The following PIK3C2A variants were observed in gnomAD, a reference collection of about 807,000 sequenced individuals.
PIK3C2A encodes phosphatidylinositol-4-phosphate 3-kinase catalytic subunit type 2 alpha, also known as phosphatidylinositol 4-phosphate 3-kinase C2 domain-containing subunit alpha.
In PIK3C2A, 97 loss-of-function variants were observed where a neutral mutation model predicts 204.5. The observed-to-expected ratio is 0.47, with a 90% CI of 0.40 to 0.56. The LOEUF (loss-of-function observed/expected upper bound fraction) is 0.56, where lower values mean the gene tolerates loss of function less well. Among genes scored for constraint, PIK3C2A ranks in the 20% least tolerant of loss-of-function variants. PIK3C2A has a pLI of 0.00. For synonymous variants in PIK3C2A, 653 were observed against 664.4 expected (o/e 0.98, Z 0.26); for missense variants, 1,735 against 1,969.2 (o/e 0.88, Z 2.25).
chr11:17,110,214 A>C (rs987859252), intron 22 of PIK3C2A, among the ~76,000 whole-genome samples: 4 of 152,170 alleles, frequency 2.6e-5, no homozygotes, highest in Non-Finnish European at 5.9e-5. Flanking sequence ...TGGCCTCCCA[A>C]AGTGCTGGGA....
intron 8 of PIK3C2A, among the ~76,000 whole-genome samples, chr11:17,139,234 T>C (rs1187174147): frequency 2.9e-5 from 4 of 137,444 alleles, no homozygotes; most frequent in South Asian, 2.3e-4. Context: ...TAAATTTCCC[T>C]TTTTTTTTTT....
intron 1 of PIK3C2A, among the ~76,000 whole-genome samples, chr11:17,197,427 A>G (rs566393557): frequency 7.9e-5 from 12 of 152,194 alleles, no homozygotes; most frequent in Non-Finnish European, 1.8e-4. Context: ...ACAAAAGGCA[A>G]TGGTTGCACC....
Position 17,092,056 on chromosome 11 carries a change from A to C in PIK3C2A, c.4582T>G (p.Cys1528Gly), listed in dbSNP as rs1398999204. Residue 1528 changes from cysteine to glycine, a missense_variant, in exon 30 of 33, where the codon TGT becomes GGT. This residue lies in a region of PIK3C2A where 503 missense variants were observed against 669.0 expected (regional missense o/e 0.75). Coordinates refer to ENST00000691414, the MANE Select transcript of PIK3C2A (RefSeq NM_002645.4). ...STDVAECDLV[C>G]TFFHPLLRDE... is the part of the protein sequence containing the mutation. ...CGAAGTAAAGGGTGGAAGAAAGTAC[A>C]AACAAGATCACACTAAGAATAAAGA... 1.2e-6 allele frequency: 2 copies of C among 1,607,916 alleles called. No homozygotes were observed. Among genetic ancestry groups the C allele is most frequent in the South Asian group, 1.1e-5 (1 of 90,942 alleles).
intron 2 of PIK3C2A, among the ~76,000 whole-genome samples, chr11:17,164,469 C>T (rs537808101): frequency 1.0e-3 from 159 of 152,148 alleles, no homozygotes; most frequent in African/African-American, 3.7e-3. Flanking sequence ...ATGATGAACA[C>T]TTCCTCAGCC....
chr11:17,092,080 G>C lies in PIK3C2A; in HGVS notation c.4570-12C>G, dbSNP rs1590891053. 14 of 1,588,446 alleles carry C rather than the reference G, an allele frequency of 8.8e-6. No homozygotes were observed. The East Asian group carries it at 3.1e-4, about 36-fold the overall frequency. On this transcript the variant is annotated splice_polypyrimidine_tract_variant and intron_variant, in intron 29 of 32. Coordinates refer to ENST00000691414, the MANE Select transcript of PIK3C2A (RefSeq NM_002645.4). ...CAAACAAGATCACACTAAGAATAAAGAGAAAGCAATTCATTAGTTTAAATA... is the reference window on the plus strand; with the variant it reads ...CAAACAAGATCACACTAAGAATAAACAGAAAGCAATTCATTAGTTTAAATA...
At position 17,118,659 on chromosome 11, in the gene PIK3C2A, T is replaced by C; in HGVS notation, c.3021A>G (p.Ala1007=). Residue 1007 remains alanine, a synonymous_variant, in exon 18 of 33, where the codon GCA becomes GCG. Transcript: ENST00000691414. Reference sequence around the variant, plus strand: ...TTAAATCTTACCAATATAAATTGTGTGCTATCTGGATATTTCCCAATGCCC... The same window carrying C: ...TTAAATCTTACCAATATAAATTGTGCGCTATCTGGATATTTCCCAATGCCC... ...LSRALGNIQI[A]HNLYWLLKDA... The C allele has an allele frequency of 1.4e-6, 2 of 1,443,512 alleles. No homozygotes were observed. The highest frequency in any genetic ancestry group is 1.9e-6 in the Non-Finnish European group (2 of 1,030,124). 89.4% of individuals were successfully genotyped at this position (1,443,512 alleles called of 1,614,324 possible). A position where few individuals can be genotyped will look rare whatever the true frequency, so the allele number is the denominator to read the frequency against.
At chr11:17,183,871 G>A (rs947600386) in intron 1 of PIK3C2A, among the ~76,000 whole-genome samples, 28 of 151,346 alleles carry the variant, frequency 1.9e-4, no homozygotes, top group African/African-American at 6.6e-4. Flanking sequence ...TTGGGAGGTC[G>A]AGGAGTGGGG....
intron 1 of PIK3C2A, among the ~76,000 whole-genome samples, chr11:17,191,883 A>G (rs1309453687): frequency 6.6e-6 from 1 of 152,066 alleles, no homozygotes; most frequent in East Asian, 1.9e-4. Flanking sequence ...CTGTACTACG[A>G]ACACTTTGGG....
chr11:17,193,010 G>A (rs1263900833), intron 1 of PIK3C2A, among the ~76,000 whole-genome samples: 1 of 119,272 alleles, frequency 8.4e-6, no homozygotes, highest in Non-Finnish European at 2.0e-5. Flanking sequence ...CATAATTGTG[G>A]GATTAATACC....
At chr11:17,127,375 C>G (rs1425271072) in intron 13 of PIK3C2A, among the ~76,000 whole-genome samples, 2 of 152,016 alleles carry the variant, frequency 1.3e-5, no homozygotes, top group Non-Finnish European at 2.9e-5. Context: ...GTGGCGCAGT[C>G]TTGACTCACA....
At position 17,132,302 on chromosome 11, in the gene PIK3C2A, ATAAT is replaced by A. The variant is rs1394370441; in HGVS notation, c.2109-268_2109-265del. On this transcript the variant is annotated intron_variant, in intron 11 of 32. Transcript: ENST00000691414. Reference sequence around the variant, plus strand: ...GCATGGTCATAATAACACCAGCTGAATAATTAACTTTAATTTTTTTTTTTTTTTT... The same window carrying A: ...GCATGGTCATAATAACACCAGCTGAATAACTTTAATTTTTTTTTTTTTTTT... 2.6e-4 allele frequency among the ~76,000 whole-genome samples: 39 copies of A among 150,780 alleles called. 1 individual carries two copies. The highest frequency in any genetic ancestry group is 2.9e-5 in the Non-Finnish European group (2 of 67,830).
rs1460759540 is a variant in PIK3C2A, at chr11:17,188,865, G to C, written c.-66+18983C>G. Among the ~76,000 whole-genome samples the C allele has an allele frequency of 2.7e-5, 4 of 146,908 alleles. 2 individuals are homozygous for C. The highest frequency in any genetic ancestry group is 1.1e-4 in the African/African-American group (4 of 36,536). ...GCTTTTGGCTACCAAAGGCTGTGGA[G>C]GCAAGAGCTGAGAAAAAGCTCTCCA... On this transcript the variant is annotated intron_variant, in intron 1 of 32. Transcript: ENST00000691414.
intron 1 of PIK3C2A, among the ~76,000 whole-genome samples, chr11:17,199,184 T>G: frequency 6.6e-6 from 1 of 150,550 alleles, no homozygotes; most frequent in Non-Finnish European, 1.5e-5. Flanking sequence ...ATATCACTAG[T>G]CAACCTACTA....
chr11:17,133,496 T>C (rs781241706), intron 11 of PIK3C2A, among the ~76,000 whole-genome samples: 31 of 152,174 alleles, frequency 2.0e-4, no homozygotes, highest in Non-Finnish European at 3.7e-4. Flanking sequence ...ATTATTATAT[T>C]TTAATCTAAA....
chr11:17,174,819 T>C (rs909847004), intron 1 of PIK3C2A, among the ~76,000 whole-genome samples: 1 of 151,992 alleles, frequency 6.6e-6, no homozygotes, highest in African/African-American at 2.4e-5. Context: ...GAAGAATCCC[T>C]TGAACCCTGG....
Position 17,117,488 on chromosome 11 carries a change from T to C in PIK3C2A, c.3216+3A>G, listed in dbSNP as rs758995597. ...ATTTATATTACCTTTTATGGGTACA[T>C]ACCTGTCTGGCTGATCCACTAGCCT... is the stretch of plus-strand genomic sequence containing the variant. On this transcript the variant is annotated splice_donor_region_variant and intron_variant, in intron 19 of 32. Coordinates refer to ENST00000691414, the MANE Select transcript of PIK3C2A (RefSeq NM_002645.4). 6.2e-7 allele frequency: 1 copy of C among 1,602,310 alleles called. No individual in the cohort carries two copies. The highest frequency in any genetic ancestry group is 8.5e-7 in the Non-Finnish European group (1 of 1,169,784).
At position 17,174,526 on chromosome 11, in the gene PIK3C2A, G is replaced by A. The variant is rs556829613; in HGVS notation, c.-65-4720C>T. 2.1e-3 allele frequency among the ~76,000 whole-genome samples: 123 copies of A among 57,456 alleles called. 35 individuals are homozygous for A. In the South Asian group the frequency reaches 0.043, roughly 20 times the overall value. The allele number at this position is 57,456 out of a possible 152,430, so 37.7% of individuals were successfully genotyped here. A position where few individuals can be genotyped will look rare whatever the true frequency, so the allele number is the denominator to read the frequency against. On this transcript the variant is annotated intron_variant, in intron 1 of 32. Transcript: ENST00000691414. Reference sequence around the variant, plus strand: ...GGAGAATGGCGTGAACCCGGGAGGCGGAGCTTGCAGTGAGCCGAGATCCCG... The same window carrying A: ...GGAGAATGGCGTGAACCCGGGAGGCAGAGCTTGCAGTGAGCCGAGATCCCG...
At chr11:17,173,802 GT>G (rs1851252061) in intron 1 of PIK3C2A, among the ~76,000 whole-genome samples, 1 of 151,884 alleles carries the variant, frequency 6.6e-6, no homozygotes, top group Non-Finnish European at 1.5e-5. Context: ...CGTGGGGTTT[GT>G]TTGTTTGTTT....
Position 17,112,606 on chromosome 11 carries a change from G to T in PIK3C2A, c.3382C>A (p.Pro1128Thr). The change falls in exon 21 of 33, where the codon CCT (proline) becomes ACT (threonine). Residue 1128 changes from proline to threonine, a missense_variant. Coordinates refer to ENST00000691414, the MANE Select transcript of PIK3C2A (RefSeq NM_002645.4). ...ATGACATTAATTTCTTCTCCCATAG[G>T]GTCAGCATTCACCATTGTGACTTTT... The part of the protein sequence containing the change: ...PLKVTMVNAD[P>T]MGEEINVMFK... 6.4e-7 allele frequency: 1 copy of T among 1,556,654 alleles called. No homozygotes were observed. The highest frequency in any genetic ancestry group is 8.7e-7 in the Non-Finnish European group (1 of 1,143,772).
Sources: gnomAD v4.1 joint callset for allele counts (sites outside exome capture counted in the v4.1 genomes callset) on GRCh38, gnomAD v4.1.1 for gene constraint, gnomAD v4.1.1 regional missense constraint, MANE v1.5 for transcripts, NCBI Gene and HGNC (gene_info 2026-07-23, HGNC 2026-07-21) for gene names.